ADGRE3: variants seen among roughly 807,000 people sequenced by gnomAD.
The protein encoded by ADGRE3 is adhesion G protein-coupled receptor E3, also known as EGF-like module receptor 3.
Under a neutral mutation model 80.1 loss-of-function variants are expected in ADGRE3, and 88 were observed. That is an observed-to-expected ratio of 1.10 (90% CI 0.93 to 1.31). The LOEUF is 1.31. Ranked by LOEUF, ADGRE3 falls within the 40% of genes most tolerant of loss-of-function variation. ADGRE3 has a pLI of 0.00. For missense variants in ADGRE3, 715 were observed against 776.5 expected (o/e 0.92, Z 0.94); for synonymous variants, 281 against 294.8 (o/e 0.95, Z 0.48).
chr19:14,651,029 C>A lies in ADGRE3; in HGVS notation c.697+56G>T, dbSNP rs1971591346. 6.2e-6 allele frequency: 10 copies of A among 1,601,536 alleles called. No individual in the cohort carries two copies. In the South Asian group the frequency reaches 1.1e-4, roughly 18 times the overall value. On this transcript the variant is annotated intron_variant, in intron 7 of 15. Coordinates refer to ENST00000253673, the MANE Select transcript of ADGRE3 (RefSeq NM_032571.5). ...GCCCAGTGGGCTTGTTTCCCCATGA[C>A]TCACACAATGACATGGCTCTGTGTG...
chr19:14,658,554 C>A lies in ADGRE3; in HGVS notation c.356-4G>T. 6.4e-7 allele frequency: 1 copy of A among 1,553,502 alleles called. No individual in the cohort carries two copies. Among genetic ancestry groups the A allele is most frequent in the Non-Finnish European group, 8.7e-7 (1 of 1,148,864 alleles). On this transcript the variant is annotated splice_polypyrimidine_tract_variant and splice_region_variant and intron_variant, in intron 4 of 15. Transcript: ENST00000253673. The stretch of plus-strand genomic sequence containing the variant: ...GTTGTCTTTGAGGAGGTGGTGTCTG[C>A]AAAAGACATCATGATGGAGTTACTA...
the ADGRE3 span, chr19:14,610,164 T>A: frequency 6.3e-7 from 1 of 1,587,080 alleles, no homozygotes; most frequent in Non-Finnish European, 8.6e-7. Context: ...CAAAACTACG[T>A]ATTGGATTTG....
At chr19:14,630,863 C>T (rs955844086) in intron 13 of ADGRE3, among the ~76,000 whole-genome samples, 16 of 152,024 alleles carry the variant, frequency 1.1e-4, no homozygotes, top group African/African-American at 3.9e-4. Context: ...TGCTTTCTCT[C>T]TCACTCTTAT....
At chr19:14,607,260 A>T in the ADGRE3 span, among the ~76,000 whole-genome samples, 1 of 150,982 alleles carries the variant, frequency 6.6e-6, no homozygotes, top group Admixed American at 6.6e-5. Context: ...GCTGGAGTGC[A>T]GTGGCGCAAT....
chr19:14,669,847 C>T (rs1423441736), intron 1 of ADGRE3, among the ~76,000 whole-genome samples: 2 of 152,032 alleles, frequency 1.3e-5, no homozygotes, highest in Admixed American at 6.6e-5. Context: ...CTGGGTCCAA[C>T]AGTAGTTCTA....
At chr19:14,601,288 C>G in the ADGRE3 span, among the ~76,000 whole-genome samples, 1 of 152,122 alleles carries the variant, frequency 6.6e-6, no homozygotes, top group Non-Finnish European at 1.5e-5. Flanking sequence ...CATTGACTGT[C>G]AGAGTTTCCA....
At chr19:14,641,388 G>C (rs1971242140) in intron 10 of ADGRE3, 31 bp downstream of exon 10, 1 of 1,613,628 alleles carries the variant, frequency 6.2e-7, no homozygotes, top group East Asian at 2.2e-5. Context: ...CCTTGGGGCA[G>C]AAAGGGCATC....
intron 9 of ADGRE3, among the ~76,000 whole-genome samples, chr19:14,643,641 T>C (rs1971314625): frequency 6.6e-6 from 1 of 152,172 alleles, no homozygotes; most frequent in African/African-American, 2.4e-5. Flanking sequence ...TGTGTGACTT[T>C]CCTGGGAGAG....
At chr19:14,602,680 C>T in the ADGRE3 span, among the ~76,000 whole-genome samples, 45 of 151,856 alleles carry the variant, frequency 3.0e-4, no homozygotes, top group African/African-American at 7.2e-4. Flanking sequence ...TCCTGTATGT[C>T]GTGTCCCTTC....
the ADGRE3 span, among the ~76,000 whole-genome samples, chr19:14,606,192 T>TA: frequency 6.6e-6 from 1 of 152,024 alleles, no homozygotes; most frequent in African/African-American, 2.4e-5. Context: ...TTACTATTGC[T>TA]AAAAATGTCA....
At chr19:14,666,417 C>T (rs948712899) in intron 2 of ADGRE3, among the ~76,000 whole-genome samples, 1 of 151,600 alleles carries the variant, frequency 6.6e-6, no homozygotes, top group Non-Finnish European at 1.5e-5. Context: ...CGCTCTGTCG[C>T]CCAGGCTGGA....
At chr19:14,665,058 T>G (rs1448973673) in intron 2 of ADGRE3, among the ~76,000 whole-genome samples, 3 of 122,548 alleles carry the variant, frequency 2.4e-5, no homozygotes, top group Non-Finnish European at 3.4e-5. Context: ...CAACCTCATT[T>G]TTTTTTTTTT....
At chr19:14,667,528 A>C (rs1247268360) in intron 2 of ADGRE3, among the ~76,000 whole-genome samples, 1 of 152,150 alleles carries the variant, frequency 6.6e-6, no homozygotes, top group Non-Finnish European at 1.5e-5. Flanking sequence ...TGATGAGTTC[A>C]TGTCCTTTGC....
chr19:14,627,497 C>A (rs1970766168), intron 14 of ADGRE3, among the ~76,000 whole-genome samples: 1 of 152,136 alleles, frequency 6.6e-6, no homozygotes, highest in African/African-American at 2.4e-5. Context: ...CTAGCCTCAG[C>A]CTCCCTAGTA....
chr19:14,603,280 G>A, the ADGRE3 span, among the ~76,000 whole-genome samples: 2 of 152,094 alleles, frequency 1.3e-5, no homozygotes, highest in Admixed American at 1.3e-4. Context: ...CACACATCGG[G>A]TCTTTGCTGT....
the ADGRE3 span, among the ~76,000 whole-genome samples, chr19:14,600,891 CTTTTTTT>C: frequency 4.7e-5 from 3 of 63,218 alleles, no homozygotes; most frequent in African/African-American, 1.2e-4. Context: ...GCTCGGCCTT[CTTTTTTT>C]TTTTTTTTTT....
downstream of ADGRE3, among the ~76,000 whole-genome samples, chr19:14,617,524 A>G (rs2075089730): frequency 6.6e-6 from 1 of 151,554 alleles, no homozygotes; most frequent in East Asian, 1.9e-4. Flanking sequence ...CAGCCTCCCA[A>G]GTAGCTGGGA....
At chr19:14,602,936 T>C in the ADGRE3 span, among the ~76,000 whole-genome samples, 3 of 152,228 alleles carry the variant, frequency 2.0e-5, no homozygotes, top group East Asian at 1.9e-4. Context: ...GGTTTCTCCA[T>C]GTTGGCCAGA....
chr19:14,666,144 T>C (rs768906399), intron 2 of ADGRE3, among the ~76,000 whole-genome samples: 5 of 151,248 alleles, frequency 3.3e-5, no homozygotes, highest in African/African-American at 4.8e-5. Flanking sequence ...GATCAAATGG[T>C]AGAGCTACTT....
Sources: allele counts gnomAD v4.1 joint callset (sites outside exome capture counted in the v4.1 genomes callset), GRCh38; gene constraint gnomAD v4.1.1; transcripts MANE v1.5; gene names NCBI Gene and HGNC (gene_info 2026-07-23, HGNC 2026-07-21).